The following TEX22 variants were observed in gnomAD, a reference collection of about 807,000 sequenced individuals.
The protein encoded by TEX22 is testis-expressed protein 22.
In TEX22, 16 loss-of-function variants were observed where a neutral mutation model predicts 11.3. That is an observed-to-expected ratio of 1.42 (90% CI 0.96 to 2.15). The LOEUF (loss-of-function observed/expected upper bound fraction) is 2.15. Among genes scored for constraint, TEX22 ranks in the 30% most tolerant of loss-of-function variants. The probability of loss-of-function intolerance (pLI) is 0.00; values close to 1 mark genes in which losing one functional copy is unlikely to be tolerated. For synonymous variants in TEX22, 97 were observed against 92.3 expected (o/e 1.05, Z -0.29); for missense variants, 220 against 208.6 (o/e 1.05, Z -0.34).
At chr14:105,400,310 G>A (rs1338745527) in intron 2 of TEX22, among the ~76,000 whole-genome samples, 1 of 152,228 alleles carries the variant, frequency 6.6e-6, no homozygotes, top group Admixed American at 6.5e-5. Flanking sequence ...TCTCAGTCAT[G>A]TCCTTCAGGC....
intron 2 of TEX22, among the ~76,000 whole-genome samples, chr14:105,401,587 T>TG (rs1177970013): frequency 4.1e-5 from 1 of 24,482 alleles, no homozygotes; most frequent in East Asian, 1.7e-3. Flanking sequence ...TCTTGTGGGG[T>TG]GGGGGGAGGG....
intron 2 of TEX22, among the ~76,000 whole-genome samples, chr14:105,401,607 A>T (rs111746719): frequency 6.7e-6 from 1 of 148,392 alleles, no homozygotes; most frequent in African/African-American, 2.6e-5. Context: ...GGGGAGGGAT[A>T]GCATTAGGAG....
chr14:105,403,774 T>TA (rs2081644770), intron 2 of TEX22, among the ~76,000 whole-genome samples: 1 of 152,146 alleles, frequency 6.6e-6, no homozygotes, highest in Non-Finnish European at 1.5e-5. Flanking sequence ...CAGTGTTTTT[T>TA]AAAAAAACAG....
intron 2 of TEX22, among the ~76,000 whole-genome samples, chr14:105,409,242 C>G (rs1401489205): frequency 6.6e-6 from 1 of 152,092 alleles, no homozygotes; most frequent in Non-Finnish European, 1.5e-5. Context: ...CCAGCTTGTT[C>G]TCCTTGGTTT....
rs1258271874 is a variant in TEX22 at position 105,411,743 on chromosome 14, G to A, written c.363G>A (p.Glu121=). Residue 121 remains glutamate, a synonymous_variant, in exon 4 of 4, where the codon GAG becomes GAA. Coordinates refer to ENST00000451127, the MANE Select transcript of TEX22 (RefSeq NM_001195082.2). The part of the protein sequence containing the change: ...VLLPHPLRST[E]STNAFQAFLA... ...TTCCCCACCCGCTGAGGTCCACCGA[G>A]TCCACCAACGCCTTCCAGGCCTTCC... is the stretch of plus-strand genomic sequence containing the variant. The A allele has an allele frequency of 3.3e-6, 5 of 1,520,100 alleles. No individual in the cohort carries two copies. Among genetic ancestry groups the A allele is most frequent in the Non-Finnish European group, 4.4e-6 (5 of 1,138,708 alleles). 94.2% of individuals were successfully genotyped at this position (1,520,100 alleles called of 1,614,324 possible). A position where few individuals can be genotyped will look rare whatever the true frequency, so the allele number is the denominator to read the frequency against.
intron 2 of TEX22, among the ~76,000 whole-genome samples, chr14:105,404,842 TA>T (rs1322732110): frequency 6.6e-6 from 1 of 152,184 alleles, no homozygotes; most frequent in Non-Finnish European, 1.5e-5. Flanking sequence ...CTGAAATGGA[TA>T]AAGCATGAGA....
chr14:105,411,665 C>G lies in TEX22; in HGVS notation c.285C>G (p.Val95=). 2.0e-6 allele frequency: 3 copies of G among 1,528,674 alleles called. No individual in the cohort carries two copies. The highest frequency in any genetic ancestry group is 2.6e-6 in the Non-Finnish European group (3 of 1,143,328). The allele number at this position is 1,528,674 out of a possible 1,614,324, so 94.7% of individuals were successfully genotyped here. ...CTGACCACCCTCGCCCGCAGGACGT[C>G]GTGCAGATGGTAGCCCAGCTGGTGT... ...AAGTQLHCRD[V]VQMVAQLVSE... The change falls in exon 4 of 4, where the codon GTC becomes GTG. Residue 95 remains valine (V), a synonymous_variant. Transcript: ENST00000451127.
intron 2 of TEX22, among the ~76,000 whole-genome samples, chr14:105,401,735 T>TA (rs1336186121): frequency 2.6e-5 from 4 of 151,728 alleles, no homozygotes; most frequent in East Asian, 3.9e-4. Flanking sequence ...AAGTATAATT[T>TA]AAAAAAAACC....
intron 2 of TEX22, among the ~76,000 whole-genome samples, chr14:105,408,850 C>G (rs1186567544): frequency 1.3e-5 from 2 of 152,184 alleles, no homozygotes; most frequent in Admixed American, 6.5e-5. Context: ...CCCAATTCCA[C>G]TGTTAGCTTT....
At chr14:105,410,535 T>G (rs1460540958) in intron 2 of TEX22, among the ~76,000 whole-genome samples, 1 of 152,240 alleles carries the variant, frequency 6.6e-6, no homozygotes, top group Non-Finnish European at 1.5e-5. Flanking sequence ...CTGTTTGCCT[T>G]CCTGCCTTCA....
chr14:105,401,678 C>G (rs2081627622), intron 2 of TEX22, among the ~76,000 whole-genome samples: 1 of 151,980 alleles, frequency 6.6e-6, no homozygotes, highest in Admixed American at 6.6e-5. Context: ...CACATGGATA[C>G]ATATGTAACA....
intron 3 of TEX22, 50 bp downstream of exon 3, chr14:105,411,546 C>T (rs1346348417): frequency 1.7e-6 from 2 of 1,165,810 alleles, no homozygotes; most frequent in Non-Finnish European, 2.1e-6. Context: ...CGCCCCGCCC[C>T]TCCGCCTCGC....
At chr14:105,406,309 C>T (rs1224726043) in intron 2 of TEX22, among the ~76,000 whole-genome samples, 2 of 152,108 alleles carry the variant, frequency 1.3e-5, no homozygotes, top group Non-Finnish European at 2.9e-5. Context: ...AAATGTTAAA[C>T]GACAGCCTGG....
At position 105,413,771 on chromosome 14, in the gene TEX22, G is replaced by A. The variant is rs2067065532; in HGVS notation, c.*1938G>A. 6.6e-6 allele frequency: 1 copy of A among 152,302 alleles called. No homozygotes were observed. Among genetic ancestry groups the A allele is most frequent in the Admixed American group, 6.5e-5 (1 of 15,288 alleles). The allele number at this position is 152,302 out of a possible 1,614,324, so 9.4% of individuals were successfully genotyped here. On this transcript the variant is annotated 3_prime_UTR_variant, in exon 4 of 4. Transcript: ENST00000451127. This position sits in a 1 kb window ranked among gnomAD's most constrained non-coding sequence, Gnocchi z 4.2. ...CTCCAACAGAGGTGGTGCCGGGACA[G>A]GGGCAGTGCCTGGAGACCGCTTAGG...
chr14:105,411,944 T>A lies in TEX22; in HGVS notation c.*111T>A. On this transcript the variant is annotated 3_prime_UTR_variant, in exon 4 of 4. Coordinates refer to ENST00000451127, the MANE Select transcript of TEX22 (RefSeq NM_001195082.2). ...CCACCAGGGGGTCACCACCCACCCA[T>A]GTTAGGAAAACAGGCCAGGCAGGAC... is the stretch of plus-strand genomic sequence containing the variant. 2 of 1,149,912 alleles carry A rather than the reference T, an allele frequency of 1.7e-6. No individual in the cohort carries two copies. Among genetic ancestry groups the A allele is most frequent in the East Asian group, 3.1e-5 (1 of 31,982 alleles). 71.2% of individuals were successfully genotyped at this position (1,149,912 alleles called of 1,614,324 possible).
chr14:105,404,269 T>C (rs2081647459), intron 2 of TEX22, among the ~76,000 whole-genome samples: 1 of 152,190 alleles, frequency 6.6e-6, no homozygotes, highest in South Asian at 2.1e-4. Context: ...TAGGACAGCT[T>C]CAGTATCCTC....
In TEX22 at chr14:105,399,488, T is replaced by G; in HGVS notation, c.148T>G (p.Trp50Gly). The change falls in exon 2 of 4, where the codon TGG (tryptophan) becomes GGG (glycine). Residue 50 changes from tryptophan to glycine, a missense_variant and splice_region_variant. Coordinates refer to ENST00000451127, the MANE Select transcript of TEX22 (RefSeq NM_001195082.2). ...SVQQGLQTQD[W>G]VCEPPERRRP... Reference sequence around the variant, plus strand: ...TCAGCAGGGACTGCAGACTCAGGACTGGGTAAGCGGAAGGAAACCCTGGCC... The same window carrying G: ...TCAGCAGGGACTGCAGACTCAGGACGGGGTAAGCGGAAGGAAACCCTGGCC... 2.6e-6 allele frequency: 4 copies of G among 1,527,848 alleles called. No homozygotes were observed. The highest frequency in any genetic ancestry group is 3.5e-6 in the Non-Finnish European group (4 of 1,141,830). The allele number at this position is 1,527,848 out of a possible 1,614,324, so 94.6% of individuals were successfully genotyped here.
intron 2 of TEX22, among the ~76,000 whole-genome samples, chr14:105,406,112 CAA>C (rs1595220760): frequency 6.6e-6 from 1 of 152,052 alleles, no homozygotes; most frequent in Non-Finnish European, 1.5e-5. Context: ...GTCCGTCTCT[CAA>C]AAAAATGCAC....
chr14:105,411,525 C>CCT, intron 3 of TEX22, 29 bp downstream of exon 3: 4 of 1,056,530 alleles, frequency 3.8e-6, no homozygotes, highest in Non-Finnish European at 4.6e-6. Context: ...CTCCCCGCCC[C>CCT]GTCCCCGCCC....
Sources: allele counts gnomAD v4.1 joint callset (sites outside exome capture counted in the v4.1 genomes callset), GRCh38; gene constraint gnomAD v4.1.1; non-coding constraint Gnocchi (gnomAD v3.1); transcripts MANE v1.5; gene names NCBI Gene and HGNC (gene_info 2026-07-23, HGNC 2026-07-21).